Variants in EXOC4 observed in about 807,000 individuals in gnomAD.
EXOC4 encodes exocyst complex component 4, also known as SEC8-like 1.
A neutral mutation model predicts 107.2 loss-of-function variants in EXOC4; 71 were observed. The ratio of observed to expected loss-of-function variants is 0.66; its 90% CI spans 0.55 to 0.81. EXOC4 has a LOEUF of 0.81. Among genes scored for constraint, EXOC4 ranks in the 30% least tolerant of loss-of-function variants. The pLI, the probability that EXOC4 is intolerant of heterozygous loss-of-function variation, is 0.00. For synonymous variants in EXOC4, 456 were observed against 441.2 expected, an observed-to-expected ratio of 1.03 and a Z score of -0.42; for missense variants, 1,108 against 1,189.6, an observed-to-expected ratio of 0.93 and a Z score of 1.01.
At chr7:133,931,809 G>A (rs1010589500) in intron 13 of EXOC4, among the ~76,000 whole-genome samples, 2 of 152,242 alleles carry the variant, frequency 1.3e-5, no homozygotes, top group African/African-American at 4.8e-5. Flanking sequence ...ATGTGTTTGT[G>A]TCTTTCTTTT....
chr7:134,016,762 C>T, intron 17 of EXOC4, among the ~76,000 whole-genome samples: 1 of 152,168 alleles, frequency 6.6e-6, no homozygotes. Context: ...ACCTGTTGCA[C>T]CGGGAACATT....
chr7:133,546,641 T>C (rs1444624166), intron 9 of EXOC4, among the ~76,000 whole-genome samples: 1 of 152,168 alleles, frequency 6.6e-6, no homozygotes, highest in Non-Finnish European at 1.5e-5. Context: ...TTTCCTTCCT[T>C]TTCAAAAGTT....
At chr7:133,379,123 G>T (rs1424133258) in intron 7 of EXOC4, among the ~76,000 whole-genome samples, 2 of 151,882 alleles carry the variant, frequency 1.3e-5, no homozygotes, top group Non-Finnish European at 2.9e-5. Context: ...CTTTTTTCCT[G>T]TTTTCTCTCT....
intron 15 of EXOC4, 71 bp from the exon 16 acceptor site, chr7:134,004,841 C>G (rs1257077697): frequency 1.6e-6 from 2 of 1,285,946 alleles, no homozygotes; most frequent in African/African-American, 3.0e-5. Flanking sequence ...TTTTGGTGCT[C>G]TGTCCCAAGA....
intron 14 of EXOC4, among the ~76,000 whole-genome samples, chr7:133,995,191 G>A (rs1011090080): frequency 1.2e-4 from 18 of 152,020 alleles, no homozygotes; most frequent in Admixed American, 2.6e-4. Flanking sequence ...TTTTTAATTT[G>A]TAATTTGACA....
intron 11 of EXOC4, among the ~76,000 whole-genome samples, chr7:133,844,378 C>CTTTTTTTTTTTTTTTTTTTTTTT (rs761535651): frequency 1.2e-5 from 1 of 83,392 alleles, no homozygotes; most frequent in African/African-American, 5.8e-5. Flanking sequence ...CCACATATTC[C>CTTTTTTTTTTTTTTTTTTTTTTT]TTTTTTTTTT....
chr7:133,675,403 A>T (rs2151061955), intron 10 of EXOC4, among the ~76,000 whole-genome samples: 1 of 152,268 alleles, frequency 6.6e-6, no homozygotes, highest in Non-Finnish European at 1.5e-5. Flanking sequence ...TTCTAAGATT[A>T]TTTGGGTTAT....
At chr7:133,554,673 C>T (rs1463569721) in intron 9 of EXOC4, among the ~76,000 whole-genome samples, 1 of 152,158 alleles carries the variant, frequency 6.6e-6, no homozygotes, top group African/African-American at 2.4e-5. Flanking sequence ...TTGTAGCCTC[C>T]TGCACGTCAC....
intron 14 of EXOC4, among the ~76,000 whole-genome samples, chr7:133,939,802 C>T (rs547572667): frequency 2.6e-5 from 4 of 152,230 alleles, no homozygotes; most frequent in East Asian, 1.9e-4. Context: ...AGGAGGTATC[C>T]GTAAAGGCCC....
chr7:133,523,304 C>A (rs866503870), intron 9 of EXOC4, among the ~76,000 whole-genome samples: 1 of 152,076 alleles, frequency 6.6e-6, no homozygotes, highest in Non-Finnish European at 1.5e-5. Flanking sequence ...TACTAGTTTC[C>A]TATAAATTAG....
At chr7:134,094,532 G>T in the EXOC4 span, among the ~76,000 whole-genome samples, 7 of 152,008 alleles carry the variant, frequency 4.6e-5, no homozygotes, top group Non-Finnish European at 1.0e-4. Flanking sequence ...TTAAAAAATC[G>T]AAGAGGAGAG....
chr7:133,811,862 T>G (rs1797239821), intron 10 of EXOC4, among the ~76,000 whole-genome samples: 1 of 152,228 alleles, frequency 6.6e-6, no homozygotes, highest in Admixed American at 6.5e-5. Context: ...GATTATGTCC[T>G]AGTTTCAGGA....
rs1798408221 is a variant in EXOC4 at position 133,857,183 on chromosome 7, TA to T, written c.1735-38415del. Among the ~76,000 whole-genome samples the T allele has an allele frequency of 7.8e-4, 14 of 17,884 alleles. 1 individual carries two copies. In the South Asian group the frequency reaches 0.016, roughly 20 times the overall value. The allele number at this position is 17,884 out of a possible 152,430, so 11.7% of individuals were successfully genotyped here. ...ATATATATATATATATATATATATA[TA>T]TATATATATATATATATTTTACCTC... On this transcript the variant is annotated intron_variant, in intron 11 of 17. Coordinates refer to ENST00000253861, the MANE Select transcript of EXOC4 (RefSeq NM_021807.4).
intron 6 of EXOC4, among the ~76,000 whole-genome samples, chr7:133,374,438 A>G (rs1796442464): frequency 6.6e-6 from 1 of 152,182 alleles, no homozygotes. Flanking sequence ...ATTCTGTGTA[A>G]CATCTGAGCT....
intron 9 of EXOC4, among the ~76,000 whole-genome samples, chr7:133,624,462 A>G (rs1013906953): frequency 6.6e-6 from 1 of 152,122 alleles, no homozygotes; most frequent in African/African-American, 2.4e-5. Context: ...GTGCACCTCT[A>G]GTCTTAGCTG....
At position 133,770,711 on chromosome 7, in the gene EXOC4, C is replaced by A. The variant is rs527266079; in HGVS notation, c.1515-46614C>A. Among the ~76,000 whole-genome samples, 3 of 151,962 alleles carry A rather than the reference C, an allele frequency of 2.0e-5. No homozygotes were observed. In the East Asian group the frequency reaches 5.8e-4, roughly 29 times the overall value. ...ATCCACAATTCCAAATTCCAAAATGCTCTGAGAAATGAAATTTTTAAAATA... is the reference window on the plus strand; with the variant it reads ...ATCCACAATTCCAAATTCCAAAATGATCTGAGAAATGAAATTTTTAAAATA... On this transcript the variant is annotated intron_variant, in intron 10 of 17. Coordinates refer to ENST00000253861, the MANE Select transcript of EXOC4 (RefSeq NM_021807.4).
chr7:133,568,362 T>G (rs1417115585), intron 9 of EXOC4, among the ~76,000 whole-genome samples: 3 of 152,172 alleles, frequency 2.0e-5, no homozygotes, highest in African/African-American at 7.2e-5. Context: ...AATCTTTATT[T>G]TATTTAGTAT....
chr7:134,030,628 G>A (rs1795246713), intron 17 of EXOC4, among the ~76,000 whole-genome samples: 2 of 152,086 alleles, frequency 1.3e-5, no homozygotes, highest in African/African-American at 2.4e-5. Flanking sequence ...AAGGCTTGGA[G>A]CAAATACACT....
At chr7:133,293,454 A>C (rs1794451289) in intron 3 of EXOC4, among the ~76,000 whole-genome samples, 2 of 152,194 alleles carry the variant, frequency 1.3e-5, no homozygotes, top group Middle Eastern at 6.8e-3. Flanking sequence ...GTCCTTCAAA[A>C]CCCCCTGATT....
Sources: allele counts gnomAD v4.1 joint callset (sites outside exome capture counted in the v4.1 genomes callset), GRCh38; gene constraint gnomAD v4.1.1; transcripts MANE v1.5; gene names NCBI Gene and HGNC (gene_info 2026-07-23, HGNC 2026-07-21).